CCNG2: variants seen among roughly 807,000 people sequenced by gnomAD.
The protein encoded by CCNG2 is cyclin-G2.
Under a neutral mutation model 36.5 loss-of-function variants are expected in CCNG2, and 20 were observed. The observed-to-expected ratio is 0.55, with a 90% CI of 0.39 to 0.80. The LOEUF (loss-of-function observed/expected upper bound fraction) is 0.80, where lower values mean the gene tolerates loss of function less well. CCNG2 is among the 30% of genes least tolerant of loss of function. The pLI is 0.00. For missense variants in CCNG2, 358 were observed against 390.8 expected (o/e 0.92, Z 0.71); for synonymous variants, 155 against 140.1 (o/e 1.11, Z -0.75).
chr4:77,157,260 G>GCCGC lies in CCNG2; in HGVS notation c.-246_-245insCGCC, dbSNP rs1253375162. 1 of 152,396 alleles carries GCCGC rather than the reference G, an allele frequency of 6.6e-6. No homozygotes were observed. The highest frequency in any genetic ancestry group is 2.1e-4 in the South Asian group (1 of 4,854). 9.4% of individuals were successfully genotyped at this position (152,396 alleles called of 1,614,324 possible). Reference sequence around the variant, plus strand: ...AGGTTTCCGCTGAGGCGGCGGGGGTGCGGCGGTGGGCTGGTCTTCCGCGGC... The same window carrying GCCGC: ...AGGTTTCCGCTGAGGCGGCGGGGGTGCCGCCGGCGGTGGGCTGGTCTTCCGCGGC... On this transcript the variant is annotated 5_prime_UTR_variant, in exon 1 of 8. Coordinates refer to ENST00000316355, the MANE Select transcript of CCNG2 (RefSeq NM_004354.3).
intron 7 of CCNG2, 175 bp downstream of exon 7, chr4:77,164,654 T>C (rs758219202): frequency 1.8e-6 from 1 of 547,072 alleles, no homozygotes; most frequent in Non-Finnish European, 3.2e-6. Context: ...TATTTTAATA[T>C]GTAATGATTT....
chr4:77,163,914 C>A (rs1731553741), intron 6 of CCNG2, among the ~76,000 whole-genome samples: 1 of 152,214 alleles, frequency 6.6e-6, no homozygotes, highest in African/African-American at 2.4e-5. Flanking sequence ...AAGGACTATA[C>A]TTGATAGCTG....
Position 77,169,894 on chromosome 4 carries a change from T to C in CCNG2, c.*3970T>C, listed in dbSNP as rs921051984. The C allele has an allele frequency of 6.6e-5, 10 of 152,342 alleles. No homozygotes were observed. In the Middle Eastern group the frequency reaches 0.01, roughly 155 times the overall value. The allele number at this position is 152,342 out of a possible 1,614,324, so 9.4% of individuals were successfully genotyped here. A position where few individuals can be genotyped will look rare whatever the true frequency, so the allele number is the denominator to read the frequency against. On this transcript the variant is annotated 3_prime_UTR_variant, in exon 8 of 8. Transcript: ENST00000316355. ...GGGAGGGTTGTTAAACAGTAATAGA[T>C]AAGTGAGACAGATTGCTTGTTATTT...
rs2109925999 is a variant in CCNG2 at position 77,167,272 on chromosome 4, A to G, written c.*1348A>G. The G allele has an allele frequency of 6.6e-6, 1 of 152,306 alleles. No individual in the cohort carries two copies. The highest frequency in any genetic ancestry group is 1.5e-5 in the Non-Finnish European group (1 of 68,014). The allele number at this position is 152,306 out of a possible 1,614,324, so 9.4% of individuals were successfully genotyped here. On this transcript the variant is annotated 3_prime_UTR_variant, in exon 8 of 8. Transcript: ENST00000316355. Reference sequence around the variant, plus strand: ...AAAGTTCTTGATGTATTTTAATGAGAAGACTTTAGGTGAGGCTACAGTGAT... The same window carrying G: ...AAAGTTCTTGATGTATTTTAATGAGGAGACTTTAGGTGAGGCTACAGTGAT...
At chr4:77,158,034 G>A (rs1731315068) in intron 1 of CCNG2, among the ~76,000 whole-genome samples, 1 of 151,858 alleles carries the variant, frequency 6.6e-6, no homozygotes, top group African/African-American at 2.4e-5. Context: ...TCTCCGAGAG[G>A]GGCTTCTGCA....
At chr4:77,163,292 C>CA (rs1429230321) in intron 6 of CCNG2, among the ~76,000 whole-genome samples, 2 of 152,004 alleles carry the variant, frequency 1.3e-5, no homozygotes, top group African/African-American at 2.4e-5. Context: ...GAAGCACTGT[C>CA]AGACTGGAAG....
At chr4:77,161,458 C>G in intron 4 of CCNG2, 22 bp from the exon 5 acceptor site, 1 of 1,507,402 alleles carries the variant, frequency 6.6e-7, no homozygotes, top group Non-Finnish European at 9.0e-7. Flanking sequence ...TTTAATAAAT[C>G]TTTGTTCTTT....
At position 77,168,625 on chromosome 4, in the gene CCNG2, A is replaced by G. The variant is rs1731688932; in HGVS notation, c.*2701A>G. The stretch of plus-strand genomic sequence containing the variant: ...GAAGATGAACTGGGCAATATAGAGT[A>G]GCAGCATGGAGACCAGTCTGACTGA... On this transcript the variant is annotated 3_prime_UTR_variant, in exon 8 of 8. Transcript: ENST00000316355. 6.6e-6 allele frequency: 1 copy of G among 152,212 alleles called. No homozygotes were observed. 9.4% of individuals were successfully genotyped at this position (152,212 alleles called of 1,614,324 possible). A position where few individuals can be genotyped will look rare whatever the true frequency, so the allele number is the denominator to read the frequency against.
intron 2 of CCNG2, 41 bp downstream of exon 2, chr4:77,158,711 GGGCT>G: frequency 6.2e-7 from 1 of 1,609,062 alleles, no homozygotes; most frequent in Non-Finnish European, 8.5e-7. Context: ...GCAGCTGATG[GGGCT>G]TGGAGGAGGT....
At chr4:77,161,111 T>A in intron 4 of CCNG2, 140 bp downstream of exon 4, 1 of 759,616 alleles carries the variant, frequency 1.3e-6, no homozygotes, top group East Asian at 2.8e-5. Context: ...TTTTTTTTTT[T>A]TTTTTTTGGA....
rs553273308 is a variant in CCNG2, at chr4:77,168,493, C to T, written c.*2569C>T. On this transcript the variant is annotated 3_prime_UTR_variant, in exon 8 of 8. Transcript: ENST00000316355. ...AGGAGAAAAATCTATTCATGACATACAAGTCTCTGTCTAATCTGAACACTG... is the reference window on the plus strand; with the variant it reads ...AGGAGAAAAATCTATTCATGACATATAAGTCTCTGTCTAATCTGAACACTG... 1.3e-5 allele frequency: 2 copies of T among 152,202 alleles called. No individual in the cohort carries two copies. Among genetic ancestry groups the T allele is most frequent in the Non-Finnish European group, 2.9e-5 (2 of 68,040 alleles). The allele number at this position is 152,202 out of a possible 1,614,324, so 9.4% of individuals were successfully genotyped here.
chr4:77,166,103 T>TG lies in CCNG2; in HGVS notation c.*183dup, dbSNP rs566329617. ...TTCATATTTATCCTAAGCCATCAAA[T>TG]GGGGTAGTGCCTCTTAAACCATTAA... is the stretch of plus-strand genomic sequence containing the variant. On this transcript the variant is annotated 3_prime_UTR_variant, in exon 8 of 8. Transcript: ENST00000316355. The TG allele has an allele frequency of 1.8e-3, 868 of 491,228 alleles. 1 individual carries two copies. The highest frequency in any genetic ancestry group is 2.6e-3 in the Non-Finnish European group (762 of 289,334). 30.4% of individuals were successfully genotyped at this position (491,228 alleles called of 1,614,324 possible). A position where few individuals can be genotyped will look rare whatever the true frequency, so the allele number is the denominator to read the frequency against.
intron 3 of CCNG2, among the ~76,000 whole-genome samples, chr4:77,159,994 T>C (rs889776647): frequency 6.6e-6 from 1 of 152,178 alleles, no homozygotes; most frequent in African/African-American, 2.4e-5. Flanking sequence ...GCCAGTAGGA[T>C]TGCTGTCAGC....
chr4:77,163,111 A>G (rs568806240), intron 6 of CCNG2, among the ~76,000 whole-genome samples: 11 of 152,166 alleles, frequency 7.2e-5, no homozygotes, highest in Admixed American at 4.6e-4. Flanking sequence ...AAGAAGATAA[A>G]CTATAGTTAG....
At chr4:77,160,534 G>GC (rs559719522) in intron 3 of CCNG2, among the ~76,000 whole-genome samples, 187 bp from the exon 4 acceptor site, 3,898 of 148,010 alleles carry the variant, frequency 0.026, 256 homozygotes, top group African/African-American at 0.084. Flanking sequence ...TTTTTTTTGG[G>GC]GGGGGGGGGA....
chr4:77,163,776 C>G (rs1731549857), intron 6 of CCNG2, among the ~76,000 whole-genome samples: 2 of 152,348 alleles, frequency 1.3e-5, no homozygotes, highest in South Asian at 4.1e-4. Context: ...TCTCATATCA[C>G]TAACTTCTTT....
At position 77,159,300 on chromosome 4, in the gene CCNG2, G is replaced by C. The variant is rs572461075; in HGVS notation, c.139-67G>C. On this transcript the variant is annotated intron_variant, in intron 2 of 7. Coordinates refer to ENST00000316355, the MANE Select transcript of CCNG2 (RefSeq NM_004354.3). Reference sequence around the variant, plus strand: ...GGGAAAAAATTAACCTTATTCTTTGGACCTGTATGTGTTTTTCATCTGGTT... The same window carrying C: ...GGGAAAAAATTAACCTTATTCTTTGCACCTGTATGTGTTTTTCATCTGGTT... The C allele has an allele frequency of 4.9e-6, 7 of 1,439,794 alleles. No homozygotes were observed. In the Admixed American group the frequency reaches 1.0e-4, roughly 21 times the overall value. 89.2% of individuals were successfully genotyped at this position (1,439,794 alleles called of 1,614,324 possible).
At position 77,168,555 on chromosome 4, in the gene CCNG2, G is replaced by T. The variant is rs1004749260; in HGVS notation, c.*2631G>T. 2.0e-5 allele frequency: 3 copies of T among 152,004 alleles called. No individual in the cohort carries two copies. The highest frequency in any genetic ancestry group is 7.3e-5 in the African/African-American group (3 of 41,350). 9.4% of individuals were successfully genotyped at this position (152,004 alleles called of 1,614,324 possible). On this transcript the variant is annotated 3_prime_UTR_variant, in exon 8 of 8. Coordinates refer to ENST00000316355, the MANE Select transcript of CCNG2 (RefSeq NM_004354.3). ...GGCCTTTTTTTCTTGTCATTTCCTA[G>T]ACCTTAAAAAATGTGTATTGAGAAA...
intron 7 of CCNG2, chr4:77,164,758 A>G (rs892648007): frequency 8.0e-6 from 2 of 249,432 alleles, no homozygotes; most frequent in South Asian, 1.3e-4. Flanking sequence ...CTGGTCTTAC[A>G]TACTCCCAGG....
Sources: gnomAD v4.1 joint callset for allele counts (sites outside exome capture counted in the v4.1 genomes callset) on GRCh38, gnomAD v4.1.1 for gene constraint, MANE v1.5 for transcripts, NCBI Gene and HGNC (gene_info 2026-07-23, HGNC 2026-07-21) for gene names.